Variants in NCKAP1L observed in about 807,000 individuals in gnomAD.
NCKAP1L encodes nck-associated protein 1-like.
A neutral mutation model predicts 139.2 loss-of-function variants in NCKAP1L; 53 were observed. That is an observed-to-expected ratio of 0.38 (90% confidence interval 0.31 to 0.48). The LOEUF (loss-of-function observed/expected upper bound fraction) is 0.48, where lower values mean the gene tolerates loss of function less well. NCKAP1L is among the 20% of genes least tolerant of loss of function. The probability of loss-of-function intolerance (pLI) is 0.98; values close to 1 mark genes in which losing one functional copy is unlikely to be tolerated. For synonymous variants in NCKAP1L, 468 were observed against 499.7 expected, an observed-to-expected ratio of 0.94 and a Z score of 0.85; for missense variants, 1,151 against 1,381.9, an observed-to-expected ratio of 0.83 and a Z score of 2.65.
At chr12:54,525,532 T>C (rs966440642) in intron 20 of NCKAP1L, among the ~76,000 whole-genome samples, 6 of 152,142 alleles carry the variant, frequency 3.9e-5, no homozygotes, top group African/African-American at 1.4e-4. Flanking sequence ...CATTCAAGTT[T>C]TACCCGAATA....
chr12:54,503,463 A>T (rs1243766575), intron 3 of NCKAP1L, among the ~76,000 whole-genome samples: 1 of 152,122 alleles, frequency 6.6e-6, no homozygotes, highest in African/African-American at 2.4e-5. Flanking sequence ...ATGCAAAGAC[A>T]TATGTATAAG....
At position 54,499,367 on chromosome 12, in the gene NCKAP1L, C is replaced by G; in HGVS notation, c.115C>G (p.Pro39Ala). The G allele has an allele frequency of 1.2e-6, 2 of 1,600,902 alleles. No individual in the cohort carries two copies. Among genetic ancestry groups the G allele is most frequent in the Non-Finnish European group, 1.7e-6 (2 of 1,168,142 alleles). Residue 39 changes from proline (P) to alanine (A), a missense_variant, in exon 2 of 31, where the codon CCC becomes GCC. Coordinates refer to ENST00000293373, the MANE Select transcript of NCKAP1L (RefSeq NM_005337.5). The stretch of plus-strand genomic sequence containing the variant: ...TTTCTCTCTGCAGACTTGTTCAGAC[C>G]CCAAATCTAAGCCACCTTTCTTACT... ...MYNIKKTCSD[P>A]KSKPPFLLEK...
Position 54,509,988 on chromosome 12 carries a change from G to A in NCKAP1L, c.735+3G>A, listed in dbSNP as rs1421227800. 2 of 1,614,126 alleles carry A rather than the reference G, an allele frequency of 1.2e-6. No individual in the cohort carries two copies. The highest frequency in any genetic ancestry group is 2.7e-5 in the African/African-American group (2 of 75,054). On this transcript the variant is annotated splice_donor_region_variant and intron_variant, in intron 7 of 30. Coordinates refer to ENST00000293373, the MANE Select transcript of NCKAP1L (RefSeq NM_005337.5). ...TTAACCCTGCTAATTCAGATACAGT[G>A]AGTGCCCTTTTCCTTTTGTTAGTGG... is the stretch of plus-strand genomic sequence containing the variant.
chr12:54,499,274 A>T (rs927627931), intron 1 of NCKAP1L, 81 bp from the exon 2 acceptor site: 25 of 849,344 alleles, frequency 2.9e-5, no homozygotes, highest in Non-Finnish European at 4.4e-5. Flanking sequence ...AAGACAGATT[A>T]TGAGAATGAA....
At chr12:54,501,267 G>A (rs1956795867) in intron 3 of NCKAP1L, among the ~76,000 whole-genome samples, 1 of 152,092 alleles carries the variant, frequency 6.6e-6, no homozygotes, top group South Asian at 2.1e-4. Flanking sequence ...GTTCATCCCT[G>A]TTGTAGCATA....
At chr12:54,507,026 T>G (rs758884863) in intron 3 of NCKAP1L, among the ~76,000 whole-genome samples, 1 of 151,284 alleles carries the variant, frequency 6.6e-6, no homozygotes, top group Non-Finnish European at 1.5e-5. Context: ...TAGGAGTGAA[T>G]GAGCAAAGCA....
chr12:54,505,216 C>G lies in NCKAP1L; in HGVS notation c.307-2637C>G, dbSNP rs1956830610. On this transcript the variant is annotated intron_variant, in intron 3 of 30. Transcript: ENST00000293373. ...GCATGGAGACGGGGCACTGCCTGCA[C>G]AGGGCACATTTTGGGGGACAGCTAC... Among the ~76,000 whole-genome samples, 3 of 152,242 alleles carry G rather than the reference C, an allele frequency of 2.0e-5. No individual in the cohort carries two copies. The South Asian group carries it at 6.2e-4, about 31-fold the overall frequency.
Position 54,508,510 on chromosome 12 carries a change from A to G in NCKAP1L, c.485A>G (p.His162Arg), listed in dbSNP as rs1166271320. The G allele has an allele frequency of 6.2e-7, 1 of 1,614,204 alleles. No homozygotes were observed. Among genetic ancestry groups the G allele is most frequent in the Non-Finnish European group, 8.5e-7 (1 of 1,180,010 alleles). ...RILIGMYNCA[H>R]EMLHGHGDPS... ...CTCATTGGCATGTACAATTGTGCCC[A>G]TGAGATGCTGCATGGGCATGGGTGA... is the stretch of plus-strand genomic sequence containing the variant. Residue 162 changes from histidine (H) to arginine (R), a missense_variant, in exon 5 of 31, where the codon CAT (histidine) becomes CGT (arginine). Coordinates refer to ENST00000293373, the MANE Select transcript of NCKAP1L (RefSeq NM_005337.5).
chr12:54,500,787 C>A, intron 3 of NCKAP1L, 162 bp downstream of exon 3: 3 of 578,602 alleles, frequency 5.2e-6, no homozygotes, highest in African/African-American at 1.9e-5. Flanking sequence ...AAGCAAATTT[C>A]AAAATAGTAT....
intron 3 of NCKAP1L, among the ~76,000 whole-genome samples, chr12:54,501,841 T>C (rs1397753777): frequency 1.3e-5 from 2 of 152,200 alleles, no homozygotes; most frequent in Non-Finnish European, 2.9e-5. Flanking sequence ...GCTGTACTCT[T>C]TTACATTCTC....
chr12:54,540,846 T>G (rs536053055), intron 30 of NCKAP1L, among the ~76,000 whole-genome samples: 2 of 152,290 alleles, frequency 1.3e-5, no homozygotes, highest in South Asian at 4.1e-4. Flanking sequence ...GCCAACAGAG[T>G]GACGGGAACA....
At chr12:54,531,387 G>T in intron 23 of NCKAP1L, 30 bp downstream of exon 23, 1 of 1,612,016 alleles carries the variant, frequency 6.2e-7, no homozygotes, top group Non-Finnish European at 8.5e-7. Flanking sequence ...TTGGGGAAAA[G>T]ATCCTACCTT....
At chr12:54,526,408 T>G in intron 20 of NCKAP1L, 120 bp from the exon 21 acceptor site, 1 of 739,136 alleles carries the variant, frequency 1.4e-6, no homozygotes, top group Non-Finnish European at 2.3e-6. Flanking sequence ...GAGGTTTACA[T>G]GAGATAATAT....
rs753815961 is a variant in NCKAP1L at position 54,517,584 on chromosome 12, C to T, written c.1147C>T (p.Leu383=). 2 of 1,614,016 alleles carry T rather than the reference C, an allele frequency of 1.2e-6. No individual in the cohort carries two copies. The highest frequency in any genetic ancestry group is 1.7e-6 in the Non-Finnish European group (2 of 1,180,018). The change falls in exon 12 of 31, where the codon CTG becomes TTG. Residue 383 remains leucine, a synonymous_variant. Transcript: ENST00000293373. ...LSFIRDEVTW[L]VRHTENVTKT... The stretch of plus-strand genomic sequence containing the variant: ...CTTCATTCGTGATGAGGTCACCTGG[C>T]TGGTTCGCCACACAGAGAATGTCAC...
intron 26 of NCKAP1L, among the ~76,000 whole-genome samples, chr12:54,533,422 A>G (rs1224395262): frequency 1.3e-5 from 2 of 152,192 alleles, no homozygotes; most frequent in African/African-American, 4.8e-5. Context: ...AGAAAACCTC[A>G]TGAACCAGGT....
In NCKAP1L at chr12:54,500,565, C is replaced by A; in HGVS notation, c.246C>A (p.Ala82=). The A allele has an allele frequency of 1.2e-6, 2 of 1,612,302 alleles. No individual in the cohort carries two copies. The highest frequency in any genetic ancestry group is 1.7e-6 in the Non-Finnish European group (2 of 1,178,738). ...TAGGACCAGTACATCGTGAAAAAGC[C>A]GAGATAATTAGATTCCTCACCAACT... is the stretch of plus-strand genomic sequence containing the variant. ...QHLGPVHREK[A]EIIRFLTNYY... Residue 82 remains alanine (A), a synonymous_variant, in exon 3 of 31, where the codon GCC becomes GCA. Transcript: ENST00000293373.
intron 16 of NCKAP1L, 80 bp downstream of exon 16, chr12:54,519,412 T>A: frequency 1.5e-5 from 15 of 980,442 alleles, no homozygotes; most frequent in Non-Finnish European, 2.1e-5. Context: ...GCCACTTACT[T>A]CAAAGAATTT....
intron 9 of NCKAP1L, among the ~76,000 whole-genome samples, chr12:54,513,461 G>A (rs1484862152): frequency 1.3e-5 from 2 of 152,128 alleles, no homozygotes; most frequent in Non-Finnish European, 2.9e-5. Context: ...TTACTCAGGA[G>A]CACATGTGGA....
chr12:54,506,797 ATATATATATATAT>A lies in NCKAP1L; in HGVS notation c.307-1055_307-1043del, dbSNP rs897960811. 4.4e-4 allele frequency among the ~76,000 whole-genome samples: 5 copies of A among 11,258 alleles called. No individual in the cohort carries two copies. The South Asian group carries it at 0.016, about 37-fold the overall frequency. 7.4% of individuals were successfully genotyped at this position (11,258 alleles called of 152,430 possible). On this transcript the variant is annotated intron_variant, in intron 3 of 30. Coordinates refer to ENST00000293373, the MANE Select transcript of NCKAP1L (RefSeq NM_005337.5). ...TTTGGCAACATATTAAAAAAAAAAAATATATATATATATATATATATATATATTCCTTAATCTA... is the reference window on the plus strand; with the variant it reads ...TTTGGCAACATATTAAAAAAAAAAAAATATATATATATATTCCTTAATCTA...
Sources: gnomAD v4.1 joint callset for allele counts (sites outside exome capture counted in the v4.1 genomes callset) on GRCh38, gnomAD v4.1.1 for gene constraint, MANE v1.5 for transcripts, NCBI Gene and HGNC (gene_info 2026-07-23, HGNC 2026-07-21) for gene names.